Variants in OTUD7A observed in about 807,000 individuals in gnomAD.
The protein encoded by OTUD7A is OTU domain-containing protein 7A.
A neutral mutation model predicts 65.7 loss-of-function variants in OTUD7A; 12 were observed. That is an observed-to-expected ratio of 0.18 (90% confidence interval 0.12 to 0.30). OTUD7A has a LOEUF of 0.30. Among genes scored for constraint, OTUD7A ranks in the 10% least tolerant of loss-of-function variants. The pLI, the probability that OTUD7A is intolerant of heterozygous loss-of-function variation, is 1.00. For missense variants in OTUD7A, 1,148 were observed against 1,304.8 expected, an observed-to-expected ratio of 0.88 and a Z score of 1.85; for synonymous variants, 641 against 586.3, an observed-to-expected ratio of 1.09 and a Z score of -1.35.
At chr15:31,774,021 G>C (rs950224931) in intron 1 of OTUD7A, among the ~76,000 whole-genome samples, 1 of 152,222 alleles carries the variant, frequency 6.6e-6, no homozygotes, top group Admixed American at 6.5e-5. Flanking sequence ...GGCACAGTGG[G>C]TAAAAAGTAA....
intron 3 of OTUD7A, among the ~76,000 whole-genome samples, chr15:31,606,352 C>T (rs375329600): frequency 2.6e-5 from 4 of 152,336 alleles, no homozygotes; most frequent in African/African-American, 9.6e-5. Context: ...TGAACACACA[C>T]GTGACCGTGC....
intron 1 of OTUD7A, among the ~76,000 whole-genome samples, chr15:31,824,910 A>G (rs1896763051): frequency 6.6e-6 from 1 of 152,196 alleles, no homozygotes; most frequent in Non-Finnish European, 1.5e-5. Context: ...ATAGCAGCTA[A>G]GCTCTCTGAT....
At chr15:31,854,767 G>A (rs1423269116) in intron 1 of OTUD7A, among the ~76,000 whole-genome samples, 1 of 151,644 alleles carries the variant, frequency 6.6e-6, no homozygotes, top group Non-Finnish European at 1.5e-5. Flanking sequence ...TTAGGATACT[G>A]ACATCTTTGA....
At chr15:31,502,380 A>G (rs2041482255) in intron 9 of OTUD7A, among the ~76,000 whole-genome samples, 2 of 152,216 alleles carry the variant, frequency 1.3e-5, no homozygotes, top group Admixed American at 6.5e-5. Flanking sequence ...AAGAGGGCAG[A>G]AAAGCCTAAC....
intron 1 of OTUD7A, among the ~76,000 whole-genome samples, chr15:31,696,119 G>T (rs1466546940): frequency 7.3e-5 from 11 of 150,952 alleles, no homozygotes; most frequent in African/African-American, 2.7e-4. Context: ...TGTAGCTGTG[G>T]GTGTGAGTGA....
intron 3 of OTUD7A, among the ~76,000 whole-genome samples, chr15:31,610,418 G>C (rs553415688): frequency 1.2e-4 from 18 of 151,624 alleles, no homozygotes; most frequent in African/African-American, 4.4e-4. Flanking sequence ...AGTCAACAAA[G>C]AAACAATGGA....
At chr15:31,845,438 G>C (rs2140998663) in intron 1 of OTUD7A, among the ~76,000 whole-genome samples, 1 of 152,352 alleles carries the variant, frequency 6.6e-6, no homozygotes, top group East Asian at 1.9e-4. Flanking sequence ...TAAGCCACAG[G>C]AGTAGCCAAT....
chr15:31,758,938 G>A (rs1894887031), intron 1 of OTUD7A, among the ~76,000 whole-genome samples: 1 of 152,168 alleles, frequency 6.6e-6, no homozygotes, highest in Non-Finnish European at 1.5e-5. Context: ...ATGCTATCTA[G>A]GCATTGAAGT....
At chr15:31,668,663 C>A (rs562547062) in intron 1 of OTUD7A, among the ~76,000 whole-genome samples, 20 of 152,158 alleles carry the variant, frequency 1.3e-4, no homozygotes, top group Middle Eastern at 3.4e-3. Flanking sequence ...TCAGAGATTT[C>A]TTCTTGGTTT....
chr15:31,586,862 C>A lies in OTUD7A; in HGVS notation c.152-16665G>T, dbSNP rs915381574. Among the ~76,000 whole-genome samples the A allele has an allele frequency of 2.6e-5, 4 of 152,144 alleles. No homozygotes were observed. The South Asian group carries it at 8.3e-4, about 32-fold the overall frequency. On this transcript the variant is annotated intron_variant, in intron 3 of 12. Transcript: ENST00000307050. ...CCACTACTGCTCAGCTGGGTCTCCC[C>A]TGCTGGGTCCTCCTCCTCCTCCTGG...
chr15:31,790,909 T>C (rs1208615593), intron 1 of OTUD7A, among the ~76,000 whole-genome samples: 2 of 152,176 alleles, frequency 1.3e-5, no homozygotes, highest in Non-Finnish European at 2.9e-5. Flanking sequence ...AACTTGACAA[T>C]GGAGACACCT....
chr15:31,639,810 T>A (rs1353286690), intron 3 of OTUD7A, among the ~76,000 whole-genome samples: 1 of 152,218 alleles, frequency 6.6e-6, no homozygotes, highest in Non-Finnish European at 1.5e-5. Flanking sequence ...TATCCATGTA[T>A]CTTCTTTGGT....
Position 31,481,520 on chromosome 15 carries a change from T to C in OTUD7A, c.*1774A>G, listed in dbSNP as rs554511012. Reference sequence around the variant, plus strand: ...ATGTTAGTACAGTAATTACCACACATTGAAAATATTGTTCAGCAGGAAAAG... The same window carrying C: ...ATGTTAGTACAGTAATTACCACACACTGAAAATATTGTTCAGCAGGAAAAG... On this transcript the variant is annotated 3_prime_UTR_variant, in exon 13 of 13. Coordinates refer to ENST00000307050, the MANE Select transcript of OTUD7A (RefSeq NM_001382637.1). The C allele has an allele frequency of 3.3e-5, 5 of 151,880 alleles. No individual in the cohort carries two copies. The highest frequency in any genetic ancestry group is 7.2e-5 in the African/African-American group (3 of 41,542). The allele number at this position is 151,880 out of a possible 1,614,324, so 9.4% of individuals were successfully genotyped here. A position where few individuals can be genotyped will look rare whatever the true frequency, so the allele number is the denominator to read the frequency against.
chr15:31,645,911 C>T (rs1891647035), intron 3 of OTUD7A, among the ~76,000 whole-genome samples: 1 of 152,166 alleles, frequency 6.6e-6, no homozygotes, highest in South Asian at 2.1e-4. Flanking sequence ...TCCTGGGTCT[C>T]CCACACTCAG....
chr15:31,614,007 G>A (rs1196036178), intron 3 of OTUD7A, among the ~76,000 whole-genome samples: 1 of 152,062 alleles, frequency 6.6e-6, no homozygotes, highest in Non-Finnish European at 1.5e-5. Flanking sequence ...GCAGCAACCT[G>A]GATAAGATTG....
At chr15:31,779,218 G>C (rs1398168052) in intron 1 of OTUD7A, among the ~76,000 whole-genome samples, 1 of 152,084 alleles carries the variant, frequency 6.6e-6, no homozygotes, top group Non-Finnish European at 1.5e-5. Context: ...GAGTCCCTGG[G>C]TTCCATTTCC....
At chr15:31,579,657 G>T (rs2141182685) in intron 3 of OTUD7A, among the ~76,000 whole-genome samples, 1 of 152,314 alleles carries the variant, frequency 6.6e-6, no homozygotes, top group South Asian at 2.1e-4. Context: ...CTTTAAAAGT[G>T]AAACCGTGGA....
At chr15:31,676,608 C>A (rs1227210281) in intron 1 of OTUD7A, among the ~76,000 whole-genome samples, 1 of 152,184 alleles carries the variant, frequency 6.6e-6, no homozygotes, top group Non-Finnish European at 1.5e-5. Context: ...TCAAGAGAAC[C>A]TGAAAGATGC....
intron 3 of OTUD7A, among the ~76,000 whole-genome samples, chr15:31,621,347 G>T (rs556110601): frequency 6.6e-6 from 1 of 152,278 alleles, no homozygotes; most frequent in Non-Finnish European, 1.5e-5. Flanking sequence ...TCGTTGATCT[G>T]TCTATCGTTG....
Sources: gnomAD v4.1 joint callset for allele counts (sites outside exome capture counted in the v4.1 genomes callset) on GRCh38, gnomAD v4.1.1 for gene constraint, MANE v1.5 for transcripts, NCBI Gene and HGNC (gene_info 2026-07-23, HGNC 2026-07-21) for gene names.